Variants in GABPA observed in about 807,000 individuals in gnomAD.
GABPA encodes GA-binding protein alpha chain.
Under a neutral mutation model 59.4 loss-of-function variants are expected in GABPA, and 4 were observed. That is an observed-to-expected ratio of 0.07 (90% CI 0.03 to 0.15). The LOEUF (loss-of-function observed/expected upper bound fraction) is 0.15, where lower values mean the gene tolerates loss of function less well. Among genes scored for constraint, GABPA ranks in the 10% least tolerant of loss-of-function variants. The probability of loss-of-function intolerance (pLI) is 1.00; values close to 1 mark genes in which losing one functional copy is unlikely to be tolerated. For synonymous variants in GABPA, 164 were observed against 183.1 expected (o/e 0.90, Z 0.84); for missense variants, 251 against 543.8 (o/e 0.46, Z 5.36).
intron 1 of GABPA, among the ~76,000 whole-genome samples, chr21:25,739,464 C>T (rs1345251370): frequency 6.6e-6 from 1 of 152,182 alleles, no homozygotes; most frequent in Admixed American, 6.5e-5. Context: ...AGAATCCGTT[C>T]CTTGTCTAGC....
At chr21:25,764,393 A>G (rs557070420) in intron 8 of GABPA, 43 bp downstream of exon 8, 3 of 1,516,116 alleles carry the variant, frequency 2.0e-6, no homozygotes, top group Non-Finnish European at 2.7e-6. Context: ...TATCTATCTA[A>G]TTAGGTATAT....
intron 3 of GABPA, among the ~76,000 whole-genome samples, chr21:25,748,272 G>GA (rs1349668332): frequency 6.6e-6 from 1 of 152,194 alleles, no homozygotes; most frequent in Non-Finnish European, 1.5e-5. Context: ...TTTGTGCCAT[G>GA]ACGACACCAT....
In GABPA at chr21:25,768,910, C is replaced by G. The variant is rs562505001; in HGVS notation, c.1137-94C>G. ...AATTGCTATTGTGGCGGATGCAGTACTCTACTAGGCTTCTGCTTATGGAAT... is the reference window on the plus strand; with the variant it reads ...AATTGCTATTGTGGCGGATGCAGTAGTCTACTAGGCTTCTGCTTATGGAAT... On this transcript the variant is annotated intron_variant, in intron 9 of 9. Coordinates refer to ENST00000400075, the MANE Select transcript of GABPA (RefSeq NM_002040.4). 6 of 748,244 alleles carry G rather than the reference C, an allele frequency of 8.0e-6. No individual in the cohort carries two copies. The South Asian group carries it at 1.0e-4, about 13-fold the overall frequency. The allele number at this position is 748,244 out of a possible 1,614,324, so 46.4% of individuals were successfully genotyped here. A position where few individuals can be genotyped will look rare whatever the true frequency, so the allele number is the denominator to read the frequency against.
intron 2 of GABPA, among the ~76,000 whole-genome samples, chr21:25,743,300 A>G (rs1181628733): frequency 1.3e-5 from 2 of 152,308 alleles, no homozygotes; most frequent in Admixed American, 6.5e-5. Context: ...TTCTGGTCAC[A>G]CAGTCCAACC....
chr21:25,747,937 G>A (rs2035409550), intron 3 of GABPA, among the ~76,000 whole-genome samples: 2 of 151,942 alleles, frequency 1.3e-5, no homozygotes, highest in South Asian at 4.1e-4. Flanking sequence ...TTTTTTTGGA[G>A]ATGGAGTCTT....
rs1471876108 is a variant in GABPA at position 25,764,120 on chromosome 21, ATTAG to A, written c.803-86_803-83del. 5.5e-6 allele frequency: 6 copies of A among 1,092,810 alleles called. No individual in the cohort carries two copies. The East Asian group carries it at 1.5e-4, about 27-fold the overall frequency. 67.7% of individuals were successfully genotyped at this position (1,092,810 alleles called of 1,614,324 possible). A position where few individuals can be genotyped will look rare whatever the true frequency, so the allele number is the denominator to read the frequency against. Reference sequence around the variant, plus strand: ...CTTTCTTGGGGGTAATTCATAGGGCATTAGTTAAAGTGATAATGTCTTTCAGTAA... The same window carrying A: ...CTTTCTTGGGGGTAATTCATAGGGCATTAAAGTGATAATGTCTTTCAGTAA... On this transcript the variant is annotated intron_variant, in intron 7 of 9. Coordinates refer to ENST00000400075, the MANE Select transcript of GABPA (RefSeq NM_002040.4).
intron 6 of GABPA, among the ~76,000 whole-genome samples, chr21:25,761,727 C>T (rs1181634007): frequency 6.6e-6 from 1 of 152,144 alleles, no homozygotes; most frequent in Non-Finnish European, 1.5e-5. Flanking sequence ...TCTGTAAAGC[C>T]TTATCTCAGG....
chr21:25,741,068 G>A (rs71649668), intron 1 of GABPA, among the ~76,000 whole-genome samples: 3,111 of 152,296 alleles, frequency 0.02, 101 homozygotes, highest in African/African-American at 0.068. Flanking sequence ...TAATGAAGTT[G>A]TCATGTCAGG....
chr21:25,768,693 TCTA>T lies in GABPA; in HGVS notation c.1137-308_1137-306del, dbSNP rs543037444. Among the ~76,000 whole-genome samples, 286 of 152,274 alleles carry T rather than the reference TCTA, an allele frequency of 1.9e-3. 4 individuals are homozygous for T. Among genetic ancestry groups the T allele is most frequent in the Middle Eastern group, 6.8e-3 (2 of 294 alleles). ...TCCAAAGCTCTTGTTCTTAGGCTCT[TCTA>T]CTGCTCTCAAGGTTTTTTGTTTTGT... On this transcript the variant is annotated intron_variant, in intron 9 of 9. Transcript: ENST00000400075.
intron 6 of GABPA, among the ~76,000 whole-genome samples, chr21:25,759,022 A>G (rs1317701726): frequency 3.3e-5 from 5 of 152,136 alleles, no homozygotes; most frequent in Admixed American, 3.3e-4. Context: ...GTGAGCTGAG[A>G]CTGCGCCACT....
intron 9 of GABPA, among the ~76,000 whole-genome samples, 177 bp from the exon 10 acceptor site, chr21:25,768,824 AAAT>A (rs1457721368): frequency 2.0e-5 from 3 of 152,136 alleles, no homozygotes; most frequent in Non-Finnish European, 2.9e-5. Context: ...AAATTTTAGT[AAAT>A]AATGTTGGGA....
intron 3 of GABPA, among the ~76,000 whole-genome samples, chr21:25,748,396 A>T (rs1369366966): frequency 6.6e-6 from 1 of 152,224 alleles, no homozygotes; most frequent in African/African-American, 2.4e-5. Context: ...GATGACAGAA[A>T]GTGTCTGAAA....
rs397817009 is a variant in GABPA, at chr21:25,763,938, CTT to C, written c.803-270_803-269del. On this transcript the variant is annotated intron_variant, in intron 7 of 9. Coordinates refer to ENST00000400075, the MANE Select transcript of GABPA (RefSeq NM_002040.4). ...TTAAGAACAAACATGTTTAAATACT[CTT>C]TGTCTAATGTGTATGCATCACTAAG... Among the ~76,000 whole-genome samples, 4 of 151,550 alleles carry C rather than the reference CTT, an allele frequency of 2.6e-5. No homozygotes were observed. In the East Asian group the frequency reaches 5.8e-4, roughly 22 times the overall value.
intron 4 of GABPA, among the ~76,000 whole-genome samples, chr21:25,749,976 G>A (rs1214562834): frequency 6.6e-6 from 1 of 152,182 alleles, no homozygotes; most frequent in African/African-American, 2.4e-5. Context: ...GGTGTGCTTT[G>A]TATCTATTAT....
chr21:25,757,438 T>G (rs2035662133), intron 5 of GABPA, among the ~76,000 whole-genome samples: 1 of 101,112 alleles, frequency 9.9e-6, no homozygotes, highest in Non-Finnish European at 2.7e-5. Flanking sequence ...CAAGACACAT[T>G]TCTTGTATTT....
At position 25,764,661 on chromosome 21, in the gene GABPA, A is replaced by G. The variant is rs750187202; in HGVS notation, c.1010A>G (p.Asp337Gly). The G allele has an allele frequency of 2.5e-6, 4 of 1,612,650 alleles. No individual in the cohort carries two copies. Among genetic ancestry groups the G allele is most frequent in the Non-Finnish European group, 3.4e-6 (4 of 1,179,068 alleles). Residue 337 changes from aspartate to glycine, a missense_variant, in exon 9 of 10, where the codon GAC (aspartate) becomes GGC (glycine). Physicochemically the swap from Asp to Gly is moderately conservative, Grantham distance 94. Coordinates refer to ENST00000400075, the MANE Select transcript of GABPA (RefSeq NM_002040.4). ...CTTCTTACTGATAAGGACGCTCGAG[A>G]CTGCATTTCTTGGGTTGGTGATGAA... ...LELLTDKDAR[D>G]CISWVGDEGE... is the part of the protein sequence containing the mutation.
At chr21:25,763,697 T>C (rs150648945) in intron 7 of GABPA, among the ~76,000 whole-genome samples, 3 of 152,318 alleles carry the variant, frequency 2.0e-5, no homozygotes, top group Non-Finnish European at 4.4e-5. Flanking sequence ...TACTTGCAGC[T>C]GTTTCATTCA....
intron 1 of GABPA, among the ~76,000 whole-genome samples, chr21:25,736,300 C>T (rs575273991): frequency 6.6e-6 from 1 of 152,260 alleles, no homozygotes; most frequent in Admixed American, 6.5e-5. Context: ...TAAGTAGTTT[C>T]CACTAATAGC....
At chr21:25,741,551 T>C (rs2035221655) in intron 1 of GABPA, 22 bp from the exon 2 acceptor site, 2 of 1,323,140 alleles carry the variant, frequency 1.5e-6, no homozygotes, top group Non-Finnish European at 2.1e-6. Context: ...TTTTAAAATA[T>C]CTTAAAAAGT....
Sources: gnomAD v4.1 joint callset for allele counts (sites outside exome capture counted in the v4.1 genomes callset) on GRCh38, gnomAD v4.1.1 for gene constraint, MANE v1.5 for transcripts, NCBI Gene and HGNC (gene_info 2026-07-23, HGNC 2026-07-21) for gene names.